The following RNF149 variants were observed in gnomAD, a reference collection of about 807,000 sequenced individuals.
RNF149 encodes ring finger protein 149.
In RNF149, 21 loss-of-function variants were observed where a neutral mutation model predicts 39.0. The observed-to-expected ratio is 0.54, with a 90% CI of 0.38 to 0.77. RNF149 has a LOEUF of 0.77. Among genes scored for constraint, RNF149 ranks in the 30% least tolerant of loss-of-function variants. The pLI is 0.00. For synonymous variants in RNF149, 209 were observed against 213.6 expected (o/e 0.98, Z 0.19); for missense variants, 493 against 534.9 (o/e 0.92, Z 0.77).
At chr2:101,289,824 G>A (rs1682941785) in intron 3 of RNF149, among the ~76,000 whole-genome samples, 1 of 152,004 alleles carries the variant, frequency 6.6e-6, no homozygotes, top group Non-Finnish European at 1.5e-5. Context: ...TTACCAGCAT[G>A]AGCCACTGCA....
chr2:101,278,791 C>G (rs1682450081), intron 6 of RNF149, among the ~76,000 whole-genome samples: 1 of 152,148 alleles, frequency 6.6e-6, no homozygotes, highest in African/African-American at 2.4e-5. Flanking sequence ...AAACTTTGTA[C>G]CTTTTGATCA....
chr2:101,301,669 A>G (rs1447940338), intron 1 of RNF149, among the ~76,000 whole-genome samples: 1 of 150,638 alleles, frequency 6.6e-6, no homozygotes, highest in African/African-American at 2.5e-5. Flanking sequence ...TTCTGTGCCA[A>G]AAAGTGTTTA....
chr2:101,291,212 G>A lies in RNF149; in HGVS notation c.781-2157C>T, dbSNP rs1309208804. On this transcript the variant is annotated intron_variant, in intron 3 of 6. Transcript: ENST00000295317. ...TGTCGCCAGGCTGGAGGGCAGTGGC[G>A]CGATCTTGGCTCACTGCAACCTCCA... Among the ~76,000 whole-genome samples the A allele has an allele frequency of 9.2e-5, 14 of 151,888 alleles. 1 individual carries two copies. The East Asian group carries it at 1.9e-3, about 21-fold the overall frequency.
intron 6 of RNF149, 26 bp downstream of exon 6, chr2:101,281,833 T>C: frequency 1.9e-6 from 3 of 1,612,464 alleles, no homozygotes; most frequent in Non-Finnish European, 2.5e-6. Flanking sequence ...CACATTCTAT[T>C]GTTTTATAAT....
rs1380173532 is a variant in RNF149, at chr2:101,305,769, C to T, written c.460+2360G>A. Among the ~76,000 whole-genome samples the T allele has an allele frequency of 3.3e-5, 5 of 152,102 alleles. No homozygotes were observed. In the East Asian group the frequency reaches 7.7e-4, roughly 23 times the overall value. On this transcript the variant is annotated intron_variant, in intron 1 of 6. Coordinates refer to ENST00000295317, the MANE Select transcript of RNF149 (RefSeq NM_173647.4). ...AGAGAGAACAAAGAATTATCTGGCC[C>T]TAGATTACTAGATTACTGTGTCGTC...
intron 4 of RNF149, chr2:101,286,567 C>T (rs1303581564): frequency 1.2e-5 from 2 of 160,938 alleles, no homozygotes; most frequent in East Asian, 3.7e-4. Flanking sequence ...GAAATAACAA[C>T]AAAAATATTA....
At chr2:101,290,459 T>C (rs1177587112) in intron 3 of RNF149, among the ~76,000 whole-genome samples, 1 of 152,188 alleles carries the variant, frequency 6.6e-6, no homozygotes, top group African/African-American at 2.4e-5. Context: ...CACGGGTTGT[T>C]AAAAAGTATT....
chr2:101,299,048 T>A (rs1332564502), intron 1 of RNF149, among the ~76,000 whole-genome samples: 1 of 152,140 alleles, frequency 6.6e-6, no homozygotes, highest in African/African-American at 2.4e-5. Context: ...TCCCAGCTAC[T>A]CTGGAGGCTG....
In RNF149 at chr2:101,279,296, A is replaced by C. The variant is rs532775570; in HGVS notation, c.1160-2015T>G. ...CTTCTTTATTTCTACCCATGATTTC[A>C]TGATTTCTACCCATGATTTCAAATT... On this transcript the variant is annotated intron_variant, in intron 6 of 6. Transcript: ENST00000295317. 2.6e-5 allele frequency among the ~76,000 whole-genome samples: 4 copies of C among 152,294 alleles called. No individual in the cohort carries two copies. The East Asian group carries it at 7.7e-4, about 29-fold the overall frequency.
chr2:101,294,807 T>A, intron 2 of RNF149, 124 bp downstream of exon 2: 1 of 846,212 alleles, frequency 1.2e-6, no homozygotes, highest in Non-Finnish European at 1.8e-6. Flanking sequence ...AAAAGTCATG[T>A]TGAATACTTA....
intron 1 of RNF149, chr2:101,307,744 G>A: frequency 1.2e-6 from 1 of 860,856 alleles, no homozygotes; most frequent in Non-Finnish European, 1.4e-6. Context: ...CGTGGGGCGC[G>A]CTGGGGGAAG....
chr2:101,289,733 G>T (rs2104406345), intron 3 of RNF149, among the ~76,000 whole-genome samples: 1 of 151,646 alleles, frequency 6.6e-6, no homozygotes, highest in African/African-American at 2.4e-5. Context: ...AAAGAGACAG[G>T]GTCTTACCGT....
downstream of RNF149, among the ~76,000 whole-genome samples, chr2:101,272,588 G>C (rs1682169002): frequency 1.3e-5 from 2 of 152,302 alleles, no homozygotes; most frequent in East Asian, 3.9e-4. Flanking sequence ...GTTTTGGTTT[G>C]AGTCAACATC....
At chr2:101,291,300 G>A (rs1050820044) in intron 3 of RNF149, among the ~76,000 whole-genome samples, 7 of 152,196 alleles carry the variant, frequency 4.6e-5, no homozygotes, top group Non-Finnish European at 8.8e-5. Flanking sequence ...ACAGGCTTGC[G>A]CCACCATGCC....
chr2:101,287,341 A>G (rs1268102880), intron 4 of RNF149, among the ~76,000 whole-genome samples: 3 of 152,206 alleles, frequency 2.0e-5, no homozygotes, highest in African/African-American at 7.2e-5. Context: ...TAAAAAAAAC[A>G]GTACTTAAGA....
Position 101,294,075 on chromosome 2 carries a change from CT to C in RNF149, c.718del (p.Arg240GlufsTer16). On this transcript the variant is annotated frameshift_variant, in exon 3 of 7. Transcript: ENST00000295317. LOFTEE classifies it high-confidence loss of function. The part of the protein sequence containing the change: ...TGSQIGSQSH[R>X]KETKKVIGQL... The stretch of plus-strand genomic sequence containing the variant: ...GCCAATAACTTTCTTAGTTTCTTTT[CT>C]ATGGCTCTTGGGTAGGAAAATATTA... 6.4e-7 allele frequency: 1 copy of C among 1,551,532 alleles called. No individual in the cohort carries two copies. Among genetic ancestry groups the C allele is most frequent in the Non-Finnish European group, 8.9e-7 (1 of 1,124,730 alleles).
chr2:101,273,438 C>A, downstream of RNF149: 1 of 426,642 alleles, frequency 2.3e-6, no homozygotes. Flanking sequence ...ATCTTATCAA[C>A]TTAAAACTTT....
downstream of RNF149, chr2:101,272,748 T>C (rs1411878435): frequency 2.8e-6 from 1 of 353,992 alleles, no homozygotes; most frequent in Admixed American, 3.8e-5. Flanking sequence ...AACTTCAACA[T>C]GCTCAAAAGA....
intron 6 of RNF149, among the ~76,000 whole-genome samples, chr2:101,280,319 C>T (rs1325858908): frequency 1.3e-5 from 2 of 151,820 alleles, no homozygotes; most frequent in South Asian, 4.1e-4. Flanking sequence ...ATTCACTAAA[C>T]AATATTAGGA....
Sources: gnomAD v4.1 joint callset for allele counts (sites outside exome capture counted in the v4.1 genomes callset) on GRCh38, gnomAD v4.1.1 for gene constraint, MANE v1.5 for transcripts, NCBI Gene and HGNC (gene_info 2026-07-23, HGNC 2026-07-21) for gene names.